Variants in PRDM10 observed in about 807,000 individuals in gnomAD.
The protein encoded by PRDM10 is PR domain zinc finger protein 10.
Under a neutral mutation model 133.1 loss-of-function variants are expected in PRDM10, and 65 were observed. The ratio of observed to expected loss-of-function variants is 0.49; its 90% CI spans 0.40 to 0.60. The LOEUF (loss-of-function observed/expected upper bound fraction) is 0.60, where lower values mean the gene tolerates loss of function less well. Ranked by LOEUF, PRDM10 falls within the 20% of genes least tolerant of loss-of-function variation. PRDM10 has a pLI of 0.00. For missense variants in PRDM10, 1,137 were observed against 1,507.1 expected (o/e 0.75, Z 4.07); for synonymous variants, 582 against 580.4 (o/e 1.00, Z -0.04).
intron 1 of PRDM10, among the ~76,000 whole-genome samples, chr11:130,001,728 T>C (rs1939393004): frequency 6.6e-6 from 1 of 152,206 alleles, no homozygotes; most frequent in Non-Finnish European, 1.5e-5. Flanking sequence ...AACACCTAGC[T>C]GCAGGGTTAA....
At chr11:129,977,160 C>G (rs1289469939) in intron 1 of PRDM10, among the ~76,000 whole-genome samples, 1 of 151,936 alleles carries the variant, frequency 6.6e-6, no homozygotes, top group Non-Finnish European at 1.5e-5. Context: ...GTCCCTCCAG[C>G]AGACAGAGCA....
Position 129,955,445 on chromosome 11 carries a change from A to G in PRDM10, c.294+67T>C, listed in dbSNP as rs1591658722. 15 of 1,478,060 alleles carry G rather than the reference A, an allele frequency of 1.0e-5. No homozygotes were observed. In the East Asian group the frequency reaches 3.2e-4, roughly 31 times the overall value. 91.6% of individuals were successfully genotyped at this position (1,478,060 alleles called of 1,614,324 possible). A position where few individuals can be genotyped will look rare whatever the true frequency, so the allele number is the denominator to read the frequency against. The stretch of plus-strand genomic sequence containing the variant: ...TCCAGAGATGGTGCAGTGCAAAGGG[A>G]TGGGGCATTCCAGGCGCAGTGGCAT... On this transcript the variant is annotated intron_variant, in intron 4 of 20. Transcript: ENST00000360871.
At chr11:129,999,142 A>G (rs1939211854) in intron 1 of PRDM10, among the ~76,000 whole-genome samples, 1 of 152,172 alleles carries the variant, frequency 6.6e-6, no homozygotes, top group African/African-American at 2.4e-5. Flanking sequence ...CATTAAGAAT[A>G]AAAAAGAAAA....
intron 9 of PRDM10, among the ~76,000 whole-genome samples, chr11:129,934,269 C>T (rs1950959608): frequency 6.6e-6 from 1 of 152,216 alleles, no homozygotes. Context: ...ACCATGAACC[C>T]CAAGTGGGCA....
intron 4 of PRDM10, among the ~76,000 whole-genome samples, chr11:129,949,524 T>C (rs1212691655): frequency 1.3e-5 from 2 of 152,188 alleles, no homozygotes; most frequent in African/African-American, 2.4e-5. Context: ...ATTTGGCCTT[T>C]TGGGAAATAA....
chr11:129,969,936 A>C lies in PRDM10; in HGVS notation c.-118-8854T>G, dbSNP rs75954974. Among the ~76,000 whole-genome samples, 1,028 of 152,352 alleles carry C rather than the reference A, an allele frequency of 6.7e-3. 8 individuals are homozygous for C. The highest frequency in any genetic ancestry group is 0.023 in the African/African-American group (973 of 41,576). ...GATTCTACCTGGTAACTAAAAAAGTAAGTGATTTTACTCTGTGTATAGAGA... is the reference window on the plus strand; with the variant it reads ...GATTCTACCTGGTAACTAAAAAAGTCAGTGATTTTACTCTGTGTATAGAGA... On this transcript the variant is annotated intron_variant, in intron 1 of 20. Transcript: ENST00000360871.
At chr11:129,985,823 T>A (rs1938410489) in intron 1 of PRDM10, among the ~76,000 whole-genome samples, 1 of 126,456 alleles carries the variant, frequency 7.9e-6, no homozygotes, top group African/African-American at 2.9e-5. Context: ...TATATATATA[T>A]ATATATATAT....
intron 1 of PRDM10, among the ~76,000 whole-genome samples, chr11:129,971,280 G>A (rs1038551335): frequency 2.0e-5 from 3 of 152,178 alleles, no homozygotes; most frequent in Non-Finnish European, 2.9e-5. Context: ...AGCTCGGGCA[G>A]CCTGCTTTTA....
chr11:129,998,610 C>T (rs748236351), intron 1 of PRDM10, among the ~76,000 whole-genome samples: 1 of 152,260 alleles, frequency 6.6e-6, no homozygotes, highest in South Asian at 2.1e-4. Context: ...CATACCTTCC[C>T]TCTTTCCACT....
rs1329622144 is a variant in PRDM10 at position 130,002,729 on chromosome 11, T to C, written c.-126A>G. The C allele has an allele frequency of 6.1e-6, 1 of 163,040 alleles. No homozygotes were observed. The highest frequency in any genetic ancestry group is 1.4e-5 in the Non-Finnish European group (1 of 73,648). 10.1% of individuals were successfully genotyped at this position (163,040 alleles called of 1,614,324 possible). ...AATCCTTTAGGTACTTACACGACGT[T>C]GGGTGAGGGGAGCTGGAAGATCAGC... is the stretch of plus-strand genomic sequence containing the variant. On this transcript the variant is annotated 5_prime_UTR_variant, in exon 1 of 21. Coordinates refer to ENST00000360871, the MANE Select transcript of PRDM10 (RefSeq NM_199437.2).
Position 129,923,549 on chromosome 11 carries a change from T to C in PRDM10, c.1879-146A>G. The C allele has an allele frequency of 1.2e-6, 1 of 840,668 alleles. No individual in the cohort carries two copies. The highest frequency in any genetic ancestry group is 1.8e-6 in the Non-Finnish European group (1 of 569,932). The allele number at this position is 840,668 out of a possible 1,614,324, so 52.1% of individuals were successfully genotyped here. ...GAGGAATCCAATCAGATGTGATAAT[T>C]GGCCTCAATAACACATACTGTCCCT... On this transcript the variant is annotated intron_variant, in intron 12 of 20. Transcript: ENST00000360871. The surrounding 1 kb of genome is among the most constrained non-coding windows in gnomAD (Gnocchi z 4.4).
chr11:129,914,997 G>A lies in PRDM10; in HGVS notation c.2548C>T (p.Arg850Ter), dbSNP rs765995026. 3.1e-6 allele frequency: 5 copies of A among 1,604,242 alleles called. No individual in the cohort carries two copies. In the African/African-American group the frequency reaches 4.0e-5, roughly 13 times the overall value. Residue 850 changes from arginine (R) to a stop codon, truncating the protein, a stop_gained, in exon 17 of 21, where the codon CGA (arginine) becomes TGA (stop). Transcript: ENST00000360871. LOFTEE classifies it high-confidence loss of function. ...SSKTKMVQHI[R>*]KKHPEFAQLS... is the part of the protein sequence containing the mutation. ...TGGGCGAACTCTGGATGCTTCTTTC[G>A]AATGTGCTGGACCATCTTGGTCTGA...
At chr11:129,906,795 T>C (rs915784100) in intron 19 of PRDM10, among the ~76,000 whole-genome samples, 2 of 152,154 alleles carry the variant, frequency 1.3e-5, no homozygotes, top group East Asian at 1.9e-4. Context: ...CTGGCCAACA[T>C]GGTGAAACCC....
chr11:129,907,118 C>T (rs1215070300), intron 19 of PRDM10, among the ~76,000 whole-genome samples: 5 of 151,932 alleles, frequency 3.3e-5, no homozygotes, highest in Non-Finnish European at 7.4e-5. Context: ...GATAGAAGTA[C>T]ACACACCAGC....
rs779536672 is a variant in PRDM10, at chr11:129,931,076, G to A, written c.1470C>T (p.Ser490=). 5 of 1,614,224 alleles carry A rather than the reference G, an allele frequency of 3.1e-6. No individual in the cohort carries two copies. Among genetic ancestry groups the A allele is most frequent in the East Asian group, 4.5e-5 (2 of 44,880 alleles). The change falls in exon 11 of 21, where the codon AGC becomes AGT. Residue 490 remains serine (S), a synonymous_variant. Transcript: ENST00000360871. ...TCAGCGTGCTCTGGGTGGGCACCAC[G>A]CTCTCTTCATGCTGCGGCTGCAGGT... ...TLHLQPQHEE[S]VVPTQSTLTA... is the part of the protein sequence containing the mutation.
intron 15 of PRDM10, among the ~76,000 whole-genome samples, chr11:129,916,518 A>G (rs973674170): frequency 6.6e-6 from 1 of 152,206 alleles, no homozygotes; most frequent in East Asian, 1.9e-4. Context: ...GGCGCCTGTA[A>G]TCCCAGCTAC....
chr11:129,997,368 T>C (rs889592075), intron 1 of PRDM10, among the ~76,000 whole-genome samples: 1 of 152,158 alleles, frequency 6.6e-6, no homozygotes, highest in Non-Finnish European at 1.5e-5. Context: ...TACTGCCAGC[T>C]ACTTGGGAGG....
At chr11:129,989,030 G>A (rs1938587796) in intron 1 of PRDM10, among the ~76,000 whole-genome samples, 1 of 152,208 alleles carries the variant, frequency 6.6e-6, no homozygotes, top group African/African-American at 2.4e-5. Context: ...ACAGTAGTAA[G>A]GATGGGGCTA....
chr11:129,957,532 T>C (rs1951718388), intron 3 of PRDM10, among the ~76,000 whole-genome samples: 1 of 152,178 alleles, frequency 6.6e-6, no homozygotes, highest in Admixed American at 6.5e-5. Flanking sequence ...TTGGCCAGGC[T>C]GGTCTTGAAC....
Sources: allele counts gnomAD v4.1 joint callset (sites outside exome capture counted in the v4.1 genomes callset), GRCh38; gene constraint gnomAD v4.1.1; non-coding constraint Gnocchi (gnomAD v3.1); transcripts MANE v1.5; gene names NCBI Gene and HGNC (gene_info 2026-07-23, HGNC 2026-07-21).